The following NLGN4X variants were observed in gnomAD, a reference collection of about 807,000 sequenced individuals.
NLGN4X encodes neuroligin-4, X-linked.
Under a neutral mutation model 40.3 loss-of-function variants are expected in NLGN4X, and 3 were observed. That is an observed-to-expected ratio of 0.07 (90% CI 0.03 to 0.19). The LOEUF (loss-of-function observed/expected upper bound fraction) is 0.19. NLGN4X is among the 10% of genes least tolerant of loss of function. The probability of loss-of-function intolerance (pLI) is 1.00; values close to 1 mark genes in which losing one functional copy is unlikely to be tolerated. For missense variants in NLGN4X, 382 were observed against 708.3 expected, an observed-to-expected ratio of 0.54 and a Z score of 5.23; for synonymous variants, 270 against 306.8, an observed-to-expected ratio of 0.88 and a Z score of 1.25.
chrX:5,918,772 G>A (rs892530957), intron 3 of NLGN4X, among the ~76,000 whole-genome samples: 4 of 112,109 alleles, frequency 3.6e-5, no homozygotes, highest in African/African-American at 1.3e-4. Flanking sequence ...ATGCATAACT[G>A]GGATGTCTTT....
At chrX:6,010,595 C>T (rs2036228812) in intron 3 of NLGN4X, among the ~76,000 whole-genome samples, 1 of 106,042 alleles carries the variant, frequency 9.4e-6, no homozygotes, top group African/African-American at 3.4e-5. Context: ...GTGGTACAAT[C>T]TCAGCTCATT....
chrX:6,145,563 C>A (rs2040028426), intron 2 of NLGN4X, among the ~76,000 whole-genome samples: 1 of 112,294 alleles, frequency 8.9e-6, no homozygotes, highest in African/African-American at 3.2e-5. Flanking sequence ...ACAAATATCT[C>A]TTGACTAATG....
intron 1 of NLGN4X, among the ~76,000 whole-genome samples, chrX:6,157,942 C>T (rs1254786502): frequency 8.9e-6 from 1 of 111,917 alleles, no homozygotes; most frequent in African/African-American, 3.2e-5. Context: ...CTTACATTCT[C>T]ATGAAGGTAT....
chrX:6,178,438 T>C (rs914797684), intron 1 of NLGN4X, among the ~76,000 whole-genome samples: 6 of 111,849 alleles, frequency 5.4e-5, no homozygotes, highest in African/African-American at 2.0e-4. Context: ...CCATGTGTTA[T>C]GATACTTTTG....
chrX:5,982,190 T>C (rs1055803637), intron 3 of NLGN4X, among the ~76,000 whole-genome samples: 1 of 112,005 alleles, frequency 8.9e-6, no homozygotes, highest in Non-Finnish European at 1.9e-5. Context: ...AACAAGAGTA[T>C]GACTCAGTGC....
chrX:5,909,932 T>A (rs1376636243), intron 3 of NLGN4X, among the ~76,000 whole-genome samples: 1 of 111,441 alleles, frequency 9.0e-6, no homozygotes, highest in East Asian at 2.8e-4. Context: ...TCTCCCCAAC[T>A]GTTCCCAAAA....
At chrX:6,078,848 C>T (rs191752391) in intron 2 of NLGN4X, among the ~76,000 whole-genome samples, 3 of 111,263 alleles carry the variant, frequency 2.7e-5, no homozygotes, top group African/African-American at 9.8e-5. Flanking sequence ...TTGTAATCCC[C>T]ACGTGTTGGG....
intron 2 of NLGN4X, among the ~76,000 whole-genome samples, chrX:6,050,730 A>T (rs959047313): frequency 9.0e-6 from 1 of 110,767 alleles, no homozygotes; most frequent in African/African-American, 3.3e-5. Context: ...CTACCTTTCT[A>T]TCTATCCATC....
chrX:5,948,898 G>C (rs2034217803), intron 3 of NLGN4X, among the ~76,000 whole-genome samples: 1 of 111,717 alleles, frequency 9.0e-6, no homozygotes, highest in South Asian at 3.7e-4. Flanking sequence ...CAATCAGCTG[G>C]GATGTCCACA....
intron 2 of NLGN4X, among the ~76,000 whole-genome samples, chrX:6,077,210 A>G (rs925679661): frequency 1.8e-5 from 2 of 111,344 alleles, no homozygotes; most frequent in Non-Finnish European, 3.8e-5. Context: ...AATATATTTT[A>G]TATGATATTT....
intron 1 of NLGN4X, among the ~76,000 whole-genome samples, chrX:6,213,757 C>A (rs776064119): frequency 8.0e-5 from 9 of 112,173 alleles, no homozygotes; most frequent in Admixed American, 2.8e-4. Context: ...AACAATTCTG[C>A]TGGCTTCCAC....
chrX:6,166,581 G>A (rs2040500643), intron 1 of NLGN4X, among the ~76,000 whole-genome samples: 1 of 111,471 alleles, frequency 9.0e-6, no homozygotes, highest in Admixed American at 9.6e-5. Context: ...GAGAATCCTT[G>A]GCTAATTGCC....
intron 3 of NLGN4X, among the ~76,000 whole-genome samples, chrX:5,957,908 C>T (rs1192407922): frequency 8.9e-6 from 1 of 112,170 alleles, no homozygotes; most frequent in Non-Finnish European, 1.9e-5. Context: ...AATTTTTTCC[C>T]TATTGTGTAG....
intron 2 of NLGN4X, among the ~76,000 whole-genome samples, chrX:6,133,108 AACCATC>A (rs372132448): frequency 6.2e-4 from 66 of 106,312 alleles, no homozygotes; most frequent in African/African-American, 1.8e-3. Context: ...TCATCATCAT[AACCATC>A]ACCATCACCA....
At chrX:6,087,762 T>A (rs1291905793) in intron 2 of NLGN4X, among the ~76,000 whole-genome samples, 1 of 111,623 alleles carries the variant, frequency 9.0e-6, no homozygotes, top group Non-Finnish European at 1.9e-5. Context: ...TGAACTGAGT[T>A]TTGCCATTCA....
At chrX:6,086,379 T>C (rs970856218) in intron 2 of NLGN4X, among the ~76,000 whole-genome samples, 1 of 111,808 alleles carries the variant, frequency 8.9e-6, no homozygotes, top group Admixed American at 9.5e-5. Context: ...TCAAGCCCAA[T>C]GAAGCAATGA....
chrX:6,165,264 T>C (rs1216998865), intron 1 of NLGN4X, among the ~76,000 whole-genome samples: 1 of 111,501 alleles, frequency 9.0e-6, no homozygotes, highest in Non-Finnish European at 1.9e-5. Context: ...TAAAAACCTC[T>C]GTGTCTCACA....
At chrX:6,066,699 C>T (rs2037925517) in intron 2 of NLGN4X, among the ~76,000 whole-genome samples, 1 of 111,901 alleles carries the variant, frequency 8.9e-6, no homozygotes, top group Non-Finnish European at 1.9e-5. Flanking sequence ...GCAGGAGAAT[C>T]GCGTGAACGC....
intron 3 of NLGN4X, among the ~76,000 whole-genome samples, chrX:5,966,834 A>T (rs2034848901): frequency 8.9e-6 from 1 of 112,147 alleles, no homozygotes; most frequent in Admixed American, 9.5e-5. Flanking sequence ...ATTGGCTTTA[A>T]CACAAACTGG....
Sources: allele counts gnomAD v4.1 joint callset (sites outside exome capture counted in the v4.1 genomes callset), GRCh38; gene constraint gnomAD v4.1.1; transcripts MANE v1.5; gene names NCBI Gene and HGNC (gene_info 2026-07-23, HGNC 2026-07-21).